CCDC73: variants seen among roughly 807,000 people sequenced by gnomAD.
CCDC73 encodes the protein coiled-coil domain containing 73.
Under a neutral mutation model 116.5 loss-of-function variants are expected in CCDC73, and 95 were observed. The ratio of observed to expected loss-of-function variants is 0.82; its 90% confidence interval spans 0.69 to 0.97. The LOEUF is 0.97. CCDC73 is among the 50% of genes least tolerant of loss of function. The pLI is 0.00. For missense variants in CCDC73, 1,066 were observed against 1,206.8 expected (o/e 0.88, Z 1.73); for synonymous variants, 398 against 401.3 (o/e 0.99, Z 0.10).
At chr11:32,747,547 G>C (rs939419767) in intron 2 of CCDC73, among the ~76,000 whole-genome samples, 12 of 152,212 alleles carry the variant, frequency 7.9e-5, no homozygotes, top group Admixed American at 7.2e-4. Context: ...GTGGAATCTA[G>C]AGAGGCAGTA....
chr11:32,744,109 T>TA lies in CCDC73; in HGVS notation c.135+15999dup, dbSNP rs200682260. 7.2e-3 allele frequency among the ~76,000 whole-genome samples: 1,099 copies of TA among 152,356 alleles called. 17 individuals carry two copies. The highest frequency in any genetic ancestry group is 0.025 in the African/African-American group (1,059 of 41,580). On this transcript the variant is annotated intron_variant, in intron 2 of 17. Coordinates refer to ENST00000335185, the MANE Select transcript of CCDC73 (RefSeq NM_001008391.4). Reference sequence around the variant, plus strand: ...CGATACCTAGTTTATTAAGAGTGTTTAGCATGAAAGGCTGTTGAATTTTGT... The same window carrying TA: ...CGATACCTAGTTTATTAAGAGTGTTTAAGCATGAAAGGCTGTTGAATTTTGT...
chr11:32,793,603 ATTTAT>A (rs200104242), intron 1 of CCDC73, among the ~76,000 whole-genome samples: 22 of 128,228 alleles, frequency 1.7e-4, no homozygotes, highest in African/African-American at 6.0e-4. Context: ...GACATGAATA[ATTTAT>A]TTTATTTTAT....
At chr11:32,792,359 A>G (rs1246629981) in intron 1 of CCDC73, among the ~76,000 whole-genome samples, 1 of 152,240 alleles carries the variant, frequency 6.6e-6, no homozygotes, top group African/African-American at 2.4e-5. Flanking sequence ...CTCATGTGTA[A>G]GTATTTACTC....
intron 12 of CCDC73, among the ~76,000 whole-genome samples, chr11:32,649,747 T>C (rs1855810036): frequency 6.6e-6 from 1 of 152,200 alleles, no homozygotes; most frequent in African/African-American, 2.4e-5. Flanking sequence ...TGTCTTTTCT[T>C]ATAAAGGACT....
At chr11:32,631,327 T>C (rs368311876) in intron 14 of CCDC73, among the ~76,000 whole-genome samples, 1 of 152,154 alleles carries the variant, frequency 6.6e-6, no homozygotes, top group Non-Finnish European at 1.5e-5. Context: ...AGATAGATAA[T>C]ACACTTGGCC....
chr11:32,609,840 C>T (rs894468286), intron 17 of CCDC73, among the ~76,000 whole-genome samples: 5 of 151,862 alleles, frequency 3.3e-5, no homozygotes, highest in South Asian at 4.2e-4. Context: ...AGTGCAGTGG[C>T]GTGATCTCGG....
intron 3 of CCDC73, among the ~76,000 whole-genome samples, chr11:32,713,491 G>A (rs564188404): frequency 3.3e-5 from 5 of 152,114 alleles, no homozygotes; most frequent in African/African-American, 9.6e-5. Flanking sequence ...AAGGGATAAC[G>A]TTAAGGCTAG....
chr11:32,824,603 A>G, the CCDC73 span, among the ~76,000 whole-genome samples: 2 of 152,316 alleles, frequency 1.3e-5, no homozygotes, highest in South Asian at 2.1e-4. Context: ...AAGTCCTGCT[A>G]CATGCCAGCC....
At chr11:32,690,344 A>G (rs1185725076) in intron 6 of CCDC73, among the ~76,000 whole-genome samples, 1 of 152,164 alleles carries the variant, frequency 6.6e-6, no homozygotes, top group African/African-American at 2.4e-5. Flanking sequence ...TTCACAGCAA[A>G]ATCCAGAGGA....
At chr11:32,812,749 G>C in the CCDC73 span, among the ~76,000 whole-genome samples, 1 of 151,708 alleles carries the variant, frequency 6.6e-6, no homozygotes, top group African/African-American at 2.4e-5. Flanking sequence ...GAGGTGGGAG[G>C]ATTGCCTGAG....
intron 3 of CCDC73, among the ~76,000 whole-genome samples, chr11:32,703,531 T>A (rs1190228335): frequency 6.6e-6 from 1 of 151,604 alleles, no homozygotes; most frequent in Non-Finnish European, 1.5e-5. Flanking sequence ...TCAAGAAAAA[T>A]ATCTTTTAAC....
intron 14 of CCDC73, among the ~76,000 whole-genome samples, chr11:32,631,614 A>C: frequency 6.6e-6 from 1 of 151,320 alleles, no homozygotes; most frequent in African/African-American, 2.4e-5. Context: ...AAGGAAGGGA[A>C]GGGAAGGGAA....
chr11:32,747,211 C>T (rs1194353971), intron 2 of CCDC73, among the ~76,000 whole-genome samples: 5 of 143,454 alleles, frequency 3.5e-5, no homozygotes, highest in Non-Finnish European at 6.4e-5. Flanking sequence ...TTGGAGTTTG[C>T]TGGAGGTCCA....
intron 6 of CCDC73, among the ~76,000 whole-genome samples, chr11:32,698,403 T>C (rs80211989): frequency 0.074 from 11,304 of 152,264 alleles, 475 homozygotes; most frequent in South Asian, 0.12. Context: ...ATTGTTTTTA[T>C]CATAATTAGA....
intron 1 of CCDC73, among the ~76,000 whole-genome samples, chr11:32,766,322 C>T (rs1850441623): frequency 6.6e-6 from 1 of 152,122 alleles, no homozygotes; most frequent in East Asian, 1.9e-4. Flanking sequence ...ATAATAAGAG[C>T]TATTTATGAC....
intron 1 of CCDC73, among the ~76,000 whole-genome samples, chr11:32,771,505 G>A (rs1850492271): frequency 6.6e-6 from 1 of 152,140 alleles, no homozygotes; most frequent in Non-Finnish European, 1.5e-5. Context: ...TTGAATGAAA[G>A]CATCTACTGT....
intron 3 of CCDC73, among the ~76,000 whole-genome samples, chr11:32,707,012 A>C (rs1248249322): frequency 6.6e-6 from 1 of 152,158 alleles, no homozygotes; most frequent in Non-Finnish European, 1.5e-5. Context: ...GAAGATCTCC[A>C]TGAAGTAGCA....
intron 12 of CCDC73, among the ~76,000 whole-genome samples, chr11:32,643,557 C>T (rs1855751657): frequency 6.6e-6 from 1 of 152,084 alleles, no homozygotes; most frequent in Non-Finnish European, 1.5e-5. Context: ...TCTTTCTGCA[C>T]TGACTAGTGT....
the CCDC73 span, among the ~76,000 whole-genome samples, chr11:32,822,943 A>C: frequency 5.9e-5 from 9 of 152,306 alleles, no homozygotes; most frequent in South Asian, 1.9e-3. Flanking sequence ...TACATGCCTC[A>C]AAATAAAGAA....
Sources: allele counts gnomAD v4.1 joint callset (sites outside exome capture counted in the v4.1 genomes callset), GRCh38; gene constraint gnomAD v4.1.1; transcripts MANE v1.5; gene names NCBI Gene and HGNC (gene_info 2026-07-23, HGNC 2026-07-21).